RBFOX1: variants seen among roughly 807,000 people sequenced by gnomAD.
RBFOX1 encodes the protein RNA binding protein fox-1 homolog 1.
In RBFOX1, 8 loss-of-function variants were observed where a neutral mutation model predicts 57.7. That is an observed-to-expected ratio of 0.14 (90% CI 0.08 to 0.25). The LOEUF is 0.25. Among genes scored for constraint, RBFOX1 ranks in the 10% least tolerant of loss-of-function variants. RBFOX1 has a pLI of 1.00. For synonymous variants in RBFOX1, 326 were observed against 222.4 expected (o/e 1.47, Z -4.15); for missense variants, 611 against 548.5 (o/e 1.11, Z -1.14).
At chr16:7,330,507 TGTTTGTGTGTGTGTGTGTAGAGAG>T (rs1381257917) in intron 4 of RBFOX1, among the ~76,000 whole-genome samples, 6 of 76,592 alleles carry the variant, frequency 7.8e-5, no homozygotes, top group African/African-American at 4.2e-4. Flanking sequence ...TGTGTGTGTG[TGTTTGTGTGTGTGTGTGTAGAGAG>T]AGAGAGAGAG....
chr16:6,918,126 A>G (rs9938532), intron 3 of RBFOX1, among the ~76,000 whole-genome samples: 28,711 of 151,964 alleles, frequency 0.19, 3,005 homozygotes, highest in East Asian at 0.27. Context: ...TGTCTCTACT[A>G]AAAATGCAGA....
intron 3 of RBFOX1, among the ~76,000 whole-genome samples, chr16:5,680,498 C>T (rs533725676): frequency 6.6e-6 from 1 of 152,230 alleles, no homozygotes; most frequent in East Asian, 1.9e-4. Flanking sequence ...GTGAGTCAAG[C>T]TATTAGGTTT....
At chr16:5,915,050 C>T (rs920720094) in intron 4 of RBFOX1, among the ~76,000 whole-genome samples, 1 of 152,160 alleles carries the variant, frequency 6.6e-6, no homozygotes, top group African/African-American at 2.4e-5. Context: ...TGAGTTTACA[C>T]CCAAGGGGAG....
rs1210198342 is a variant in RBFOX1, at chr16:6,803,550, C to G, written c.-16+148900C>G. ...ATTTCCTAAATGGAAAACAGATAAA[C>G]AAAAATCAGCCTTCTTAAATTATGT... On this transcript the variant is annotated intron_variant, in intron 3 of 15. Coordinates refer to ENST00000550418, the MANE Select transcript of RBFOX1 (RefSeq NM_018723.4). Among the ~76,000 whole-genome samples, 8 of 152,030 alleles carry G rather than the reference C, an allele frequency of 5.3e-5. No homozygotes were observed. In the East Asian group the frequency reaches 9.6e-4, roughly 18 times the overall value.
At chr16:6,801,823 C>G (rs1184927009) in intron 3 of RBFOX1, among the ~76,000 whole-genome samples, 2 of 152,110 alleles carry the variant, frequency 1.3e-5, no homozygotes, top group Admixed American at 1.3e-4. Context: ...TATATACCTT[C>G]TAAGTTGTAT....
chr16:6,977,140 TTATA>T (rs776162025), intron 3 of RBFOX1, among the ~76,000 whole-genome samples: 106 of 137,206 alleles, frequency 7.7e-4, no homozygotes, highest in Non-Finnish European at 1.5e-3. Flanking sequence ...ATGATATATA[TTATA>T]TATATCATAT....
At chr16:7,621,622 C>T (rs1357979855) in intron 10 of RBFOX1, among the ~76,000 whole-genome samples, 1 of 152,008 alleles carries the variant, frequency 6.6e-6, no homozygotes, top group Non-Finnish European at 1.5e-5. Flanking sequence ...TTTTTAAAAG[C>T]CTGTGTTTGA....
At position 7,630,266 on chromosome 16, in the gene RBFOX1, A is replaced by G. The variant is rs566060503; in HGVS notation, c.677-337A>G. Among the ~76,000 whole-genome samples, 274 of 152,108 alleles carry G rather than the reference A, an allele frequency of 1.8e-3. 1 individual carries two copies. Among genetic ancestry groups the G allele is most frequent in the African/African-American group, 6.4e-3 (265 of 41,502 alleles). On this transcript the variant is annotated intron_variant, in intron 10 of 15. Coordinates refer to ENST00000550418, the MANE Select transcript of RBFOX1 (RefSeq NM_018723.4). Reference sequence around the variant, plus strand: ...AAGAGGTGTCTGAGTCAGGCTTACTATCTAGCTCCCTCCAATATTTCTCAA... The same window carrying G: ...AAGAGGTGTCTGAGTCAGGCTTACTGTCTAGCTCCCTCCAATATTTCTCAA...
intron 3 of RBFOX1, among the ~76,000 whole-genome samples, chr16:7,012,624 G>A (rs775563394): frequency 8.9e-4 from 136 of 152,186 alleles, no homozygotes; most frequent in Middle Eastern, 6.8e-3. Context: ...TTGTGCTCCA[G>A]AAAAAAATGA....
At chr16:6,836,654 G>C (rs907989859) in intron 3 of RBFOX1, among the ~76,000 whole-genome samples, 1 of 152,174 alleles carries the variant, frequency 6.6e-6, no homozygotes, top group Non-Finnish European at 1.5e-5. Flanking sequence ...CGCTTCGGGG[G>C]TGACAGTTCC....
chr16:6,967,828 G>A (rs890170109), intron 3 of RBFOX1, among the ~76,000 whole-genome samples: 1 of 152,148 alleles, frequency 6.6e-6, no homozygotes, highest in Non-Finnish European at 1.5e-5. Context: ...TAAGGGGACA[G>A]GGTTTAGAAG....
intron 1 of RBFOX1, among the ~76,000 whole-genome samples, chr16:6,257,720 C>T (rs1472285933): frequency 6.6e-6 from 1 of 152,168 alleles, no homozygotes; most frequent in Non-Finnish European, 1.5e-5. Context: ...CAATGGCCTC[C>T]AGCTCCTTCC....
At chr16:5,465,805 C>T (rs1411061709) in intron 1 of RBFOX1, among the ~76,000 whole-genome samples, 2 of 152,222 alleles carry the variant, frequency 1.3e-5, no homozygotes, top group East Asian at 3.8e-4. Flanking sequence ...GAATTTGAGA[C>T]TCAGCAAGTG....
At chr16:5,430,168 A>T (rs192418314) in intron 1 of RBFOX1, among the ~76,000 whole-genome samples, 3 of 152,272 alleles carry the variant, frequency 2.0e-5, no homozygotes, top group Admixed American at 2.0e-4. Flanking sequence ...CCCTCTCTTC[A>T]TGGACGGACC....
At chr16:6,297,157 C>G (rs181028600) in intron 1 of RBFOX1, among the ~76,000 whole-genome samples, 4 of 152,192 alleles carry the variant, frequency 2.6e-5, no homozygotes, top group African/African-American at 4.8e-5. Context: ...TCGCCATCTT[C>G]GTTTTGGTAG....
intron 4 of RBFOX1, among the ~76,000 whole-genome samples, chr16:7,471,065 T>A (rs540028406): frequency 1.3e-5 from 2 of 152,106 alleles, no homozygotes; most frequent in Non-Finnish European, 2.9e-5. Context: ...AAATAAGGAA[T>A]AAAATGAAAA....
chr16:6,190,058 GTGTGAA>G (rs907875882), intron 1 of RBFOX1, among the ~76,000 whole-genome samples: 9 of 152,322 alleles, frequency 5.9e-5, no homozygotes, highest in African/African-American at 2.2e-4. Context: ...GTTTGTATAT[GTGTGAA>G]TTCAGGTGTG....
chr16:5,899,346 G>T (rs2058250400), intron 4 of RBFOX1, among the ~76,000 whole-genome samples: 1 of 152,122 alleles, frequency 6.6e-6, no homozygotes, highest in Admixed American at 6.6e-5. Context: ...TGCAGAAGCT[G>T]TCCATTATAG....
chr16:5,875,574 T>G (rs1209778788), intron 4 of RBFOX1, among the ~76,000 whole-genome samples: 3 of 152,196 alleles, frequency 2.0e-5, no homozygotes, highest in Admixed American at 6.5e-5. Flanking sequence ...TAATACACAC[T>G]AGTCGTTGTA....
Sources: allele counts gnomAD v4.1 joint callset (sites outside exome capture counted in the v4.1 genomes callset), GRCh38; gene constraint gnomAD v4.1.1; transcripts MANE v1.5; gene names NCBI Gene and HGNC (gene_info 2026-07-23, HGNC 2026-07-21).